Variants in DLEC1 observed in about 807,000 individuals in gnomAD.
DLEC1 encodes deleted in lung and esophageal cancer protein 1.
Under a neutral mutation model 198.1 loss-of-function variants are expected in DLEC1, and 146 were observed. That is an observed-to-expected ratio of 0.74 (90% confidence interval 0.64 to 0.85). The LOEUF (loss-of-function observed/expected upper bound fraction) is 0.85. DLEC1 is among the 40% of genes least tolerant of loss of function. The pLI, the probability that DLEC1 is intolerant of heterozygous loss-of-function variation, is 0.00. For missense variants in DLEC1, 2,233 were observed against 2,220.0 expected (o/e 1.01, Z -0.12); for synonymous variants, 897 against 866.8 (o/e 1.03, Z -0.61).
intron 34 of DLEC1, among the ~76,000 whole-genome samples, chr3:38,120,996 C>A (rs1166753370): frequency 6.6e-6 from 1 of 152,080 alleles, no homozygotes; most frequent in Non-Finnish European, 1.5e-5. Flanking sequence ...GCTTGCCAGG[C>A]TTCAAGCACC....
At chr3:38,072,417 T>C (rs1697370431) in intron 6 of DLEC1, among the ~76,000 whole-genome samples, 1 of 152,166 alleles carries the variant, frequency 6.6e-6, no homozygotes, top group South Asian at 2.1e-4. Context: ...AAGGTCAAGT[T>C]GTTTGGACAA....
intron 35 of DLEC1, 52 bp from the exon 36 acceptor site, chr3:38,122,019 G>A (rs1216342901): frequency 2.5e-6 from 4 of 1,601,464 alleles, no homozygotes; most frequent in Non-Finnish European, 3.4e-6. Context: ...TCTTCCTGTG[G>A]GAGTACATGG....
chr3:38,094,842 G>A (rs1262543972), intron 12 of DLEC1, 37 bp from the exon 13 acceptor site: 1 of 1,604,416 alleles, frequency 6.2e-7, no homozygotes, highest in Non-Finnish European at 8.5e-7. Flanking sequence ...GGTCCCAGCA[G>A]AACTGGGACA....
intron 10 of DLEC1, among the ~76,000 whole-genome samples, chr3:38,092,366 G>A (rs989680792): frequency 6.6e-6 from 1 of 152,184 alleles, no homozygotes; most frequent in African/African-American, 2.4e-5. Context: ...GAATAGAATG[G>A]TGATTACCAG....
chr3:38,053,927 T>G (rs1438566228), intron 2 of DLEC1, among the ~76,000 whole-genome samples: 7 of 152,018 alleles, frequency 4.6e-5, no homozygotes, highest in Non-Finnish European at 8.8e-5. Context: ...CATGTGCTGT[T>G]TCCACTCAGG....
chr3:38,097,074 A>C, intron 15 of DLEC1, 108 bp from the exon 16 acceptor site: 1 of 1,083,848 alleles, frequency 9.2e-7, no homozygotes. Context: ...TTAGCCGGGA[A>C]GTGTCATATG....
At chr3:38,089,590 A>ATCTAC (rs1460615065) in intron 10 of DLEC1, among the ~76,000 whole-genome samples, 2 of 152,128 alleles carry the variant, frequency 1.3e-5, no homozygotes, top group Non-Finnish European at 2.9e-5. Context: ...TACAAGGCCC[A>ATCTAC]TACACAGGCC....
rs1212602486 is a variant in DLEC1 at position 38,123,559 on chromosome 3, C to G, written c.*1147C>G. On this transcript the variant is annotated 3_prime_UTR_variant, in exon 37 of 37. Transcript: ENST00000308059. The stretch of plus-strand genomic sequence containing the variant: ...ATTCTGGAAAAAATAATTTGGAAGC[C>G]TGGCCTGGTGGCATCTACTTGTAGT... The G allele has an allele frequency of 5.8e-6, 1 of 171,066 alleles. No homozygotes were observed. Among genetic ancestry groups the G allele is most frequent in the Admixed American group, 6.1e-5 (1 of 16,520 alleles). 10.6% of individuals were successfully genotyped at this position (171,066 alleles called of 1,614,324 possible). A position where few individuals can be genotyped will look rare whatever the true frequency, so the allele number is the denominator to read the frequency against.
chr3:38,085,283 C>G lies in DLEC1; in HGVS notation c.1271C>G (p.Pro424Arg), dbSNP rs758823039. 6.2e-7 allele frequency: 1 copy of G among 1,614,134 alleles called. No homozygotes were observed. The highest frequency in any genetic ancestry group is 8.5e-7 in the Non-Finnish European group (1 of 1,180,014). The change falls in exon 8 of 37, where the codon CCA becomes CGA. Residue 424 changes from proline to arginine, a missense_variant. Transcript: ENST00000308059. ...PYFALGLGMFPGKGGMVAPGM... is the reference protein window; with the variant it reads ...PYFALGLGMFRGKGGMVAPGM... ...CTTTTGTCATGCACAGGGATGTTCCCAGGAAAAGGTGGAATGGTGGCTCCT... is the reference window on the plus strand; with the variant it reads ...CTTTTGTCATGCACAGGGATGTTCCGAGGAAAAGGTGGAATGGTGGCTCCT...
chr3:38,054,312 C>T (rs1330855845), intron 2 of DLEC1, among the ~76,000 whole-genome samples: 2 of 152,240 alleles, frequency 1.3e-5, no homozygotes, highest in Non-Finnish European at 2.9e-5. Flanking sequence ...AGGAGCTCTC[C>T]TGCCTCCATG....
intron 6 of DLEC1, among the ~76,000 whole-genome samples, chr3:38,079,426 C>G (rs1367170388): frequency 1.3e-5 from 2 of 152,018 alleles, no homozygotes; most frequent in Non-Finnish European, 2.9e-5. Flanking sequence ...GAGTGGGTAG[C>G]CTCCGTATTG....
chr3:38,096,056 G>A (rs571163914), intron 14 of DLEC1, 110 bp downstream of exon 14: 13 of 1,328,516 alleles, frequency 9.8e-6, no homozygotes, highest in African/African-American at 1.5e-5. Context: ...CCTGGTCCCC[G>A]CAGGCTTTGG....
intron 17 of DLEC1, 23 bp downstream of exon 17, chr3:38,097,660 G>A (rs1575197091): frequency 6.2e-7 from 1 of 1,614,166 alleles, no homozygotes; most frequent in Non-Finnish European, 8.5e-7. Context: ...GAGCTGGGCA[G>A]TGGGGTGGGC....
intron 6 of DLEC1, among the ~76,000 whole-genome samples, chr3:38,074,854 G>A (rs1401346025): frequency 1.3e-5 from 2 of 152,220 alleles, no homozygotes; most frequent in Non-Finnish European, 2.9e-5. Flanking sequence ...ATGAGAAAGA[G>A]CCTAAACGCT....
At chr3:38,117,726 T>G in intron 32 of DLEC1, 80 bp from the exon 33 acceptor site, 5 of 795,252 alleles carry the variant, frequency 6.3e-6, no homozygotes, top group Non-Finnish European at 1.0e-5. Flanking sequence ...CCCCCAGCCC[T>G]CCCAGCCCTA....
At chr3:38,089,580 T>C (rs1162902725) in intron 10 of DLEC1, among the ~76,000 whole-genome samples, 2 of 152,176 alleles carry the variant, frequency 1.3e-5, no homozygotes, top group Non-Finnish European at 2.9e-5. Flanking sequence ...AGGTTGGGTC[T>C]ACAAGGCCCA....
intron 6 of DLEC1, among the ~76,000 whole-genome samples, chr3:38,083,873 G>A (rs563110661): frequency 3.2e-4 from 49 of 151,118 alleles, no homozygotes; most frequent in Middle Eastern, 3.4e-3. Context: ...CAAGTGATCC[G>A]CCTGCCCCAG....
chr3:38,040,977 C>A (rs2125565711), intron 1 of DLEC1, among the ~76,000 whole-genome samples: 1 of 152,040 alleles, frequency 6.6e-6, no homozygotes, highest in South Asian at 2.1e-4. Context: ...GTAGCTAGGA[C>A]CACAGGTGTG....
intron 14 of DLEC1, among the ~76,000 whole-genome samples, 197 bp from the exon 15 acceptor site, chr3:38,096,372 T>G (rs9845917): frequency 6.6e-5 from 10 of 152,028 alleles, no homozygotes. Context: ...CCAGTCCTTA[T>G]GCTAAACCAC....
Sources: gnomAD v4.1 joint callset for allele counts (sites outside exome capture counted in the v4.1 genomes callset) on GRCh38, gnomAD v4.1.1 for gene constraint, MANE v1.5 for transcripts, NCBI Gene and HGNC (gene_info 2026-07-23, HGNC 2026-07-21) for gene names.